The following KLHL29 variants were observed in gnomAD, a reference collection of about 807,000 sequenced individuals.
KLHL29 encodes the protein kelch like family member 29.
Under a neutral mutation model 80.4 loss-of-function variants are expected in KLHL29, and 21 were observed. The observed-to-expected ratio is 0.26, with a 90% CI of 0.19 to 0.38. KLHL29 has a LOEUF of 0.38. KLHL29 is among the 10% of genes least tolerant of loss of function. The pLI, the probability that KLHL29 is intolerant of heterozygous loss-of-function variation, is 1.00. For missense variants in KLHL29, 867 were observed against 1,223.9 expected, an observed-to-expected ratio of 0.71 and a Z score of 4.35; for synonymous variants, 511 against 526.8, an observed-to-expected ratio of 0.97 and a Z score of 0.41.
At chr2:23,437,314 G>C (rs12476055) in intron 1 of KLHL29, among the ~76,000 whole-genome samples, 67,723 of 152,102 alleles carry the variant, frequency 0.45, 15,854 homozygotes, top group African/African-American at 0.6. Context: ...TTGCAACTTG[G>C]TGTGGTATTG....
intron 2 of KLHL29, among the ~76,000 whole-genome samples, chr2:23,560,334 G>A (rs2018271): frequency 1.5e-5 from 2 of 130,126 alleles, no homozygotes; most frequent in South Asian, 5.2e-4. Context: ...GCAATATCGC[G>A]ATCTCAGCTC....
At chr2:23,519,353 C>T (rs1237381216) in intron 2 of KLHL29, among the ~76,000 whole-genome samples, 1 of 152,028 alleles carries the variant, frequency 6.6e-6, no homozygotes, top group African/African-American at 2.4e-5. Flanking sequence ...CCCTCCCACC[C>T]AGGCATTCTG....
chr2:23,483,485 A>G (rs1664852649), intron 2 of KLHL29, among the ~76,000 whole-genome samples: 1 of 152,210 alleles, frequency 6.6e-6, no homozygotes, highest in Non-Finnish European at 1.5e-5. Flanking sequence ...CTCACAGGGC[A>G]TTGGCCAGAG....
intron 1 of KLHL29, among the ~76,000 whole-genome samples, chr2:23,456,121 C>T (rs752447359): frequency 1.3e-5 from 2 of 152,208 alleles, no homozygotes; most frequent in Non-Finnish European, 2.9e-5. Flanking sequence ...GTTTAAACCA[C>T]CCAGCCTTTG....
At chr2:23,489,267 G>A (rs185251760) in intron 2 of KLHL29, among the ~76,000 whole-genome samples, 14 of 152,188 alleles carry the variant, frequency 9.2e-5, no homozygotes, top group East Asian at 7.7e-4. Context: ...GGGCCTACCC[G>A]CGAGCCTGGT....
At chr2:23,547,023 T>G (rs1666995456) in intron 2 of KLHL29, among the ~76,000 whole-genome samples, 1 of 152,170 alleles carries the variant, frequency 6.6e-6, no homozygotes, top group Admixed American at 6.5e-5. Context: ...CAGAGCCGCC[T>G]GAGGGAGCAT....
chr2:23,547,618 A>G (rs761356933), intron 2 of KLHL29, among the ~76,000 whole-genome samples: 2 of 152,152 alleles, frequency 1.3e-5, no homozygotes, highest in Non-Finnish European at 2.9e-5. Context: ...TTGTGACAGC[A>G]GCAGTAGTAC....
chr2:23,470,483 C>T (rs933654424), intron 1 of KLHL29, among the ~76,000 whole-genome samples: 3 of 152,134 alleles, frequency 2.0e-5, no homozygotes, highest in Non-Finnish European at 2.9e-5. Flanking sequence ...CCTCTGTTCC[C>T]TCATCTGTAA....
chr2:23,487,497 C>A (rs1412392914), intron 2 of KLHL29, among the ~76,000 whole-genome samples: 1 of 152,160 alleles, frequency 6.6e-6, no homozygotes, highest in Admixed American at 6.5e-5. Context: ...ATTCTGGGAA[C>A]CCTGGCTGCA....
chr2:23,658,593 C>T (rs539490020), intron 5 of KLHL29, among the ~76,000 whole-genome samples: 1 of 152,284 alleles, frequency 6.6e-6, no homozygotes, highest in African/African-American at 2.4e-5. Context: ...GGTGGCCGTC[C>T]ATGAGGGGCC....
rs567503312 is a variant in KLHL29 at position 23,543,902 on chromosome 2, C to A, written c.-45-18250C>A. On this transcript the variant is annotated intron_variant, in intron 2 of 13. Coordinates refer to ENST00000486442, the MANE Select transcript of KLHL29 (RefSeq NM_052920.2). Reference sequence around the variant, plus strand: ...GGGGAACTGGCAAGCCTGCCCACCCCGGGCTGGTGATGTCATCTCCCAGGT... The same window carrying A: ...GGGGAACTGGCAAGCCTGCCCACCCAGGGCTGGTGATGTCATCTCCCAGGT... 5.3e-5 allele frequency among the ~76,000 whole-genome samples: 8 copies of A among 152,252 alleles called. No homozygotes were observed. The East Asian group carries it at 1.4e-3, about 26-fold the overall frequency.
At chr2:23,497,366 G>C (rs1371228359) in intron 2 of KLHL29, among the ~76,000 whole-genome samples, 2 of 152,134 alleles carry the variant, frequency 1.3e-5, no homozygotes, top group Non-Finnish European at 2.9e-5. Context: ...GGGTTTCCTG[G>C]GGTTGGGCAG....
At chr2:23,465,451 A>G (rs1664322757) in intron 1 of KLHL29, among the ~76,000 whole-genome samples, 1 of 152,206 alleles carries the variant, frequency 6.6e-6, no homozygotes, top group Non-Finnish European at 1.5e-5. Flanking sequence ...GCCCTCTATC[A>G]GCAAGAGGCA....
In KLHL29 at chr2:23,669,207, C is replaced by T; in HGVS notation, c.941-15192C>T. 6.6e-6 allele frequency: 1 copy of T among 152,288 alleles called. No homozygotes were observed. The highest frequency in any genetic ancestry group is 1.5e-5 in the Non-Finnish European group (1 of 68,098). 9.4% of individuals were successfully genotyped at this position (152,288 alleles called of 1,614,324 possible). A position where few individuals can be genotyped will look rare whatever the true frequency, so the allele number is the denominator to read the frequency against. On this transcript the variant is annotated intron_variant, in intron 5 of 13. Transcript: ENST00000486442. This position sits in a 1 kb window ranked among gnomAD's most constrained non-coding sequence, Gnocchi z 4.3. Reference sequence around the variant, plus strand: ...GGGTCATTCACTCAGCCAGCAGACACCTCTCTGCCCCTGCTGGGTGCTCAG... The same window carrying T: ...GGGTCATTCACTCAGCCAGCAGACATCTCTCTGCCCCTGCTGGGTGCTCAG...
intron 2 of KLHL29, among the ~76,000 whole-genome samples, chr2:23,539,431 CCTTTTTTTTTTTT>C (rs1666771942): frequency 3.7e-5 from 4 of 107,216 alleles, no homozygotes; most frequent in South Asian, 3.3e-4. Context: ...TATCCTGCCT[CCTTTTTTTTTTTT>C]TTTTTTTTTT....
chr2:23,477,448 C>T (rs973850020), intron 2 of KLHL29, among the ~76,000 whole-genome samples: 3 of 152,236 alleles, frequency 2.0e-5, no homozygotes, highest in African/African-American at 4.8e-5. Flanking sequence ...CAGCAGGAAG[C>T]GGGAGAAGGC....
chr2:23,426,162 G>A (rs1227134914), intron 1 of KLHL29, among the ~76,000 whole-genome samples: 4 of 152,130 alleles, frequency 2.6e-5, no homozygotes, highest in African/African-American at 9.7e-5. Context: ...GGGAGGAGGG[G>A]ATGAGTAGGG....
chr2:23,453,272 TCAC>T (rs930324029), intron 1 of KLHL29, among the ~76,000 whole-genome samples: 5 of 152,282 alleles, frequency 3.3e-5, no homozygotes, highest in South Asian at 2.1e-4. Flanking sequence ...CGTAGCTCAG[TCAC>T]CACGTCACAG....
At chr2:23,601,015 A>G (rs895278206) in intron 3 of KLHL29, among the ~76,000 whole-genome samples, 1 of 152,184 alleles carries the variant, frequency 6.6e-6, no homozygotes, top group Non-Finnish European at 1.5e-5. Context: ...AGGTATTGCC[A>G]TTCCCGTTTT....
Sources: gnomAD v4.1 joint callset for allele counts (sites outside exome capture counted in the v4.1 genomes callset) on GRCh38, gnomAD v4.1.1 for gene constraint, Gnocchi (gnomAD v3.1) non-coding constraint, MANE v1.5 for transcripts, NCBI Gene and HGNC (gene_info 2026-07-23, HGNC 2026-07-21) for gene names.